ZCCHC14: variants seen among roughly 807,000 people sequenced by gnomAD.
ZCCHC14 encodes the protein zinc finger CCHC domain-containing protein 14.
Under a neutral mutation model 85.0 loss-of-function variants are expected in ZCCHC14, and 16 were observed. That is an observed-to-expected ratio of 0.19 (90% confidence interval 0.13 to 0.29). The LOEUF is 0.29. Among genes scored for constraint, ZCCHC14 ranks in the 10% least tolerant of loss-of-function variants. ZCCHC14 has a pLI of 1.00. For missense variants in ZCCHC14, 1,303 were observed against 1,443.5 expected, an observed-to-expected ratio of 0.90 and a Z score of 1.58; for synonymous variants, 775 against 630.7, an observed-to-expected ratio of 1.23 and a Z score of -3.43.
chr16:87,423,239 T>C (rs1909196470), intron 4 of ZCCHC14, among the ~76,000 whole-genome samples: 1 of 152,190 alleles, frequency 6.6e-6, no homozygotes, highest in Admixed American at 6.5e-5. Context: ...AGTGGAACTT[T>C]CTGTTCAATG....
intron 2 of ZCCHC14, among the ~76,000 whole-genome samples, chr16:87,448,314 C>CA (rs1465873315): frequency 5.9e-5 from 9 of 152,178 alleles, no homozygotes; most frequent in Non-Finnish European, 1.3e-4. Flanking sequence ...CTGGTTTCTT[C>CA]ACAGGTGAAA....
chr16:87,470,322 C>T (rs1911721568), intron 1 of ZCCHC14: 3 of 150,824 alleles, frequency 2.0e-5, no homozygotes, highest in Admixed American at 1.3e-4. Context: ...AGCACGACAC[C>T]CCAACTCAAA....
At chr16:87,465,950 G>A (rs78013598) in intron 1 of ZCCHC14, among the ~76,000 whole-genome samples, 4 of 152,026 alleles carry the variant, frequency 2.6e-5, no homozygotes, top group East Asian at 1.9e-4. Context: ...CACCGAGCCC[G>A]GTCTCCGCAA....
intron 1 of ZCCHC14, among the ~76,000 whole-genome samples, chr16:87,460,345 C>T (rs12149219): frequency 0.025 from 3,746 of 152,258 alleles, 76 homozygotes; most frequent in Middle Eastern, 0.11. Context: ...TTGAGTCAAA[C>T]ACGGGCGCTT....
intron 2 of ZCCHC14, among the ~76,000 whole-genome samples, chr16:87,443,558 A>G (rs1946928004): frequency 6.6e-6 from 1 of 152,160 alleles, no homozygotes. Flanking sequence ...CAACATGGCG[A>G]GACCCCATTT....
chr16:87,430,521 T>TTTC (rs1909599958), intron 3 of ZCCHC14, among the ~76,000 whole-genome samples: 1 of 151,890 alleles, frequency 6.6e-6, no homozygotes, highest in Non-Finnish European at 1.5e-5. Context: ...ACTTGATTTC[T>TTTC]TTCTTTTTTT....
intron 1 of ZCCHC14, among the ~76,000 whole-genome samples, chr16:87,476,953 T>C (rs1423462557): frequency 2.0e-5 from 3 of 151,258 alleles, no homozygotes; most frequent in Non-Finnish European, 2.9e-5. Context: ...GGTGAAACCT[T>C]GTCTCTAATA....
chr16:87,481,247 T>C (rs1370471646), intron 1 of ZCCHC14, among the ~76,000 whole-genome samples: 2 of 152,078 alleles, frequency 1.3e-5, no homozygotes, highest in African/African-American at 4.8e-5. Context: ...AGAGTTAAGG[T>C]ACCAATGCTT....
intron 2 of ZCCHC14, among the ~76,000 whole-genome samples, chr16:87,454,958 C>T (rs1344279084): frequency 6.6e-6 from 1 of 152,198 alleles, no homozygotes; most frequent in Non-Finnish European, 1.5e-5. Flanking sequence ...TGACGACATG[C>T]CACCATCAGC....
chr16:87,487,196 G>A (rs2150779807), intron 1 of ZCCHC14, among the ~76,000 whole-genome samples: 1 of 152,268 alleles, frequency 6.6e-6, no homozygotes, highest in African/African-American at 2.4e-5. Flanking sequence ...CACAATGCAA[G>A]CCACAGAGAG....
rs745641999 is a variant in ZCCHC14, at chr16:87,409,433, T to C, written c.*847A>G. Reference sequence around the variant, plus strand: ...TCGAGAGGTCATTTGTAGTGGAAGATAGGGCTCAAAGCCACTGACTGGCTG... The same window carrying C: ...TCGAGAGGTCATTTGTAGTGGAAGACAGGGCTCAAAGCCACTGACTGGCTG... On this transcript the variant is annotated 3_prime_UTR_variant, in exon 13 of 13. Coordinates refer to ENST00000671377, the MANE Select transcript of ZCCHC14 (RefSeq NM_015144.3). 4.2e-4 allele frequency: 64 copies of C among 152,350 alleles called. No homozygotes were observed. The Middle Eastern group carries it at 0.01, about 24-fold the overall frequency. The allele number at this position is 152,350 out of a possible 1,614,324, so 9.4% of individuals were successfully genotyped here.
chr16:87,408,234 T>G lies in ZCCHC14; in HGVS notation c.*2046A>C, dbSNP rs1908287189. ...ACCACTAAAACAAAAATTCCAATGT[T>G]TTTTCCTTTTGTTATGAGACGGTTT... On this transcript the variant is annotated 3_prime_UTR_variant, in exon 13 of 13. Transcript: ENST00000671377. 1.3e-5 allele frequency: 2 copies of G among 152,632 alleles called. No individual in the cohort carries two copies. The highest frequency in any genetic ancestry group is 2.9e-5 in the Non-Finnish European group (2 of 68,050). The allele number at this position is 152,632 out of a possible 1,614,324, so 9.5% of individuals were successfully genotyped here. A position where few individuals can be genotyped will look rare whatever the true frequency, so the allele number is the denominator to read the frequency against.
chr16:87,472,245 G>C (rs1457677876), intron 1 of ZCCHC14: 1 of 152,240 alleles, frequency 6.6e-6, no homozygotes, highest in Admixed American at 6.5e-5. Context: ...CGACACAAGT[G>C]ATGTGGCATT....
chr16:87,407,222 A>G lies in ZCCHC14; in HGVS notation c.*3058T>C, dbSNP rs1908240842. On this transcript the variant is annotated 3_prime_UTR_variant, in exon 13 of 13. Coordinates refer to ENST00000671377, the MANE Select transcript of ZCCHC14 (RefSeq NM_015144.3). ...GCTGACTTTGGGCAATAAAGGACCT[A>G]GAATTCTAAGTACTGAATTAAAAAT... is the stretch of plus-strand genomic sequence containing the variant. 1 of 152,242 alleles carries G rather than the reference A, an allele frequency of 6.6e-6. No individual in the cohort carries two copies. Among genetic ancestry groups the G allele is most frequent in the African/African-American group, 2.4e-5 (1 of 41,466 alleles). The allele number at this position is 152,242 out of a possible 1,614,324, so 9.4% of individuals were successfully genotyped here. A position where few individuals can be genotyped will look rare whatever the true frequency, so the allele number is the denominator to read the frequency against.
At chr16:87,452,788 C>T (rs1048375087) in intron 2 of ZCCHC14, among the ~76,000 whole-genome samples, 15 of 152,204 alleles carry the variant, frequency 9.9e-5, no homozygotes, top group African/African-American at 3.6e-4. Flanking sequence ...TGGTGACCCC[C>T]CTCGTGACAG....
intron 1 of ZCCHC14, 57 bp from the exon 2 acceptor site, chr16:87,460,188 A>C (rs1269049327): frequency 6.3e-7 from 1 of 1,576,090 alleles, no homozygotes; most frequent in Non-Finnish European, 8.6e-7. Context: ...ATAGGGGACA[A>C]TTTTATTTGT....
At chr16:87,476,738 G>C (rs1184162579) in intron 1 of ZCCHC14, among the ~76,000 whole-genome samples, 1 of 113,354 alleles carries the variant, frequency 8.8e-6, no homozygotes, top group Non-Finnish European at 1.7e-5. Flanking sequence ...GCCTGGGGGT[G>C]GGGGGTGGGA....
chr16:87,476,202 C>T (rs1374783969), intron 1 of ZCCHC14, among the ~76,000 whole-genome samples: 1 of 152,196 alleles, frequency 6.6e-6, no homozygotes, highest in African/African-American at 2.4e-5. Flanking sequence ...AGCACACCTA[C>T]ACTCCCGAAA....
chr16:87,415,642 C>T (rs1908742913), intron 8 of ZCCHC14, among the ~76,000 whole-genome samples: 1 of 152,232 alleles, frequency 6.6e-6, no homozygotes, highest in African/African-American at 2.4e-5. Flanking sequence ...GGTGCACCAC[C>T]TCACAGGCTG....
Sources: gnomAD v4.1 joint callset for allele counts (sites outside exome capture counted in the v4.1 genomes callset) on GRCh38, gnomAD v4.1.1 for gene constraint, MANE v1.5 for transcripts, NCBI Gene and HGNC (gene_info 2026-07-23, HGNC 2026-07-21) for gene names.